Variants in QSER1 observed in about 807,000 individuals in gnomAD.
QSER1 encodes glutamine and serine rich 1.
A neutral mutation model predicts 158.5 loss-of-function variants in QSER1; 49 were observed. The observed-to-expected ratio is 0.31, with a 90% CI of 0.25 to 0.39. The LOEUF (loss-of-function observed/expected upper bound fraction) is 0.39, where lower values mean the gene tolerates loss of function less well. Ranked by LOEUF, QSER1 falls within the 10% of genes least tolerant of loss-of-function variation. QSER1 has a pLI of 1.00. For synonymous variants in QSER1, 650 were observed against 715.5 expected (o/e 0.91, Z 1.46); for missense variants, 1,754 against 2,010.3 (o/e 0.87, Z 2.44).
At chr11:32,903,244 G>A (rs540814355) in intron 1 of QSER1, among the ~76,000 whole-genome samples, 62 of 152,004 alleles carry the variant, frequency 4.1e-4, no homozygotes, top group Non-Finnish European at 4.3e-4. Flanking sequence ...TTGCCGTAGG[G>A]TATGGGTAGT....
At chr11:32,940,784 C>CTAATTAA (rs1317771837) in intron 4 of QSER1, among the ~76,000 whole-genome samples, 2 of 152,088 alleles carry the variant, frequency 1.3e-5, no homozygotes, top group Non-Finnish European at 2.9e-5. Context: ...CCTCTTTCTT[C>CTAATTAA]CTCTAAATGA....
rs755620630 is a variant in QSER1 at position 32,934,450 on chromosome 11, C to T, written c.3192C>T (p.Ala1064=). ...QVTVNLSPVP[A]LQSKMTLDQQ... Reference sequence around the variant, plus strand: ...CTGTGAACCTTTCACCAGTACCTGCCCTTCAGTCAAAAATGACTCTTGATC... The same window carrying T: ...CTGTGAACCTTTCACCAGTACCTGCTCTTCAGTCAAAAATGACTCTTGATC... The change falls in exon 4 of 13, where the codon GCC becomes GCT. Residue 1064 remains alanine, a synonymous_variant. Coordinates refer to ENST00000650167, the MANE Select transcript of QSER1 (RefSeq NM_001076786.3). The T allele has an allele frequency of 3.1e-6, 5 of 1,613,712 alleles. No homozygotes were observed. The highest frequency in any genetic ancestry group is 4.2e-6 in the Non-Finnish European group (5 of 1,179,968).
intron 8 of QSER1, among the ~76,000 whole-genome samples, chr11:32,961,849 C>G (rs899586929): frequency 2.0e-5 from 3 of 152,112 alleles, no homozygotes; most frequent in African/African-American, 7.2e-5. Context: ...CTTTTTATGG[C>G]TAAGTAATAT....
rs575968000 is a variant in QSER1, at chr11:32,979,296, C to T, written c.*2822C>T. On this transcript the variant is annotated 3_prime_UTR_variant, in exon 13 of 13. Transcript: ENST00000650167. ...AGAGGTAAAGCACATGTTGCCACAA[C>T]CCAGGAAAGTATTTTTAAGAAAGAT... 1.3e-5 allele frequency: 2 copies of T among 152,620 alleles called. No homozygotes were observed. The highest frequency in any genetic ancestry group is 4.8e-5 in the African/African-American group (2 of 41,516). 9.5% of individuals were successfully genotyped at this position (152,620 alleles called of 1,614,324 possible).
chr11:32,940,517 A>G lies in QSER1; in HGVS notation c.4177+5082A>G, dbSNP rs146133681. The stretch of plus-strand genomic sequence containing the variant: ...TATTCAGGATTATGTTGGTCATACA[A>G]ATTAAACTGGGAGGTTTTTTTTCTG... On this transcript the variant is annotated intron_variant, in intron 4 of 12. Transcript: ENST00000650167. Among the ~76,000 whole-genome samples the G allele has an allele frequency of 3.3e-5, 5 of 152,288 alleles. No homozygotes were observed. The East Asian group carries it at 7.7e-4, about 24-fold the overall frequency.
At chr11:32,965,259 A>C (rs1179569309) in intron 8 of QSER1, among the ~76,000 whole-genome samples, 1 of 151,878 alleles carries the variant, frequency 6.6e-6, no homozygotes, top group African/African-American at 2.4e-5. Flanking sequence ...ATAGTGGTAC[A>C]TGCCACCACA....
chr11:32,906,378 G>A (rs1330704631), intron 1 of QSER1, among the ~76,000 whole-genome samples: 2 of 152,014 alleles, frequency 1.3e-5, no homozygotes, highest in Non-Finnish European at 2.9e-5. Context: ...GCCGAGATCG[G>A]CGCCACTGCA....
chr11:32,975,553 G>C, intron 12 of QSER1: 1 of 1,404,222 alleles, frequency 7.1e-7, no homozygotes, highest in Non-Finnish European at 9.4e-7. Flanking sequence ...ACCACCTCTT[G>C]TAGGAGCTAT....
At position 32,933,699 on chromosome 11, in the gene QSER1, A is replaced by C. The variant is rs1042839074; in HGVS notation, c.2441A>C (p.Lys814Thr). ...DLKQQHPLIL[K>T]VHESKVQEQH... is the part of the protein sequence containing the mutation. ...AAGCAGCAACATCCTCTCATACTTA[A>C]GGTGCATGAGTCCAAGGTCCAGGAA... is the stretch of plus-strand genomic sequence containing the variant. The change falls in exon 4 of 13, where the codon AAG (lysine) becomes ACG (threonine). Residue 814 changes from lysine to threonine, a missense_variant. Around this residue, in one of 2 missense-constraint regions of QSER1, gnomAD observed 1,707 missense variants for 1,919.6 expected, o/e 0.89. Transcript: ENST00000650167. 2 of 1,613,902 alleles carry C rather than the reference A, an allele frequency of 1.2e-6. No homozygotes were observed. The highest frequency in any genetic ancestry group is 2.2e-5 in the South Asian group (2 of 91,032).
intron 1 of QSER1, among the ~76,000 whole-genome samples, chr11:32,909,303 A>T (rs1254138213): frequency 1.3e-5 from 2 of 152,148 alleles, no homozygotes; most frequent in African/African-American, 2.4e-5. Context: ...ATTTTCTCTA[A>T]AATTGGGTTC....
intron 1 of QSER1, among the ~76,000 whole-genome samples, chr11:32,913,430 T>C (rs1417485597): frequency 6.6e-6 from 1 of 152,082 alleles, no homozygotes; most frequent in Non-Finnish European, 1.5e-5. Flanking sequence ...CTTGACCTCA[T>C]GATCCGCCCA....
At chr11:32,928,191 C>A in intron 3 of QSER1, 68 bp downstream of exon 3, 1 of 935,332 alleles carries the variant, frequency 1.1e-6, no homozygotes, top group Non-Finnish European at 1.7e-6. Flanking sequence ...ATTTGATGGC[C>A]TTGTCATTGT....
At chr11:32,913,376 G>A (rs1354123382) in intron 1 of QSER1, among the ~76,000 whole-genome samples, 1 of 151,642 alleles carries the variant, frequency 6.6e-6, no homozygotes, top group Non-Finnish European at 1.5e-5. Flanking sequence ...ATTTATTTTA[G>A]TAGAGACGAG....
chr11:32,957,640 A>G (rs922212807), intron 7 of QSER1, among the ~76,000 whole-genome samples: 1 of 152,212 alleles, frequency 6.6e-6, no homozygotes, highest in Non-Finnish European at 1.5e-5. Context: ...GACTGAACTA[A>G]AAGTCCCTTA....
intron 1 of QSER1, among the ~76,000 whole-genome samples, chr11:32,917,583 T>A (rs1190170348): frequency 6.6e-6 from 1 of 152,124 alleles, no homozygotes; most frequent in Non-Finnish European, 1.5e-5. Context: ...CCCAGCACTT[T>A]GGGAGGCCGA....
chr11:32,895,385 T>C (rs918436149), intron 1 of QSER1, among the ~76,000 whole-genome samples: 1 of 152,194 alleles, frequency 6.6e-6, no homozygotes, highest in East Asian at 1.9e-4. Flanking sequence ...TCAGGCCATC[T>C]GTACAGAGTT....
intron 10 of QSER1, among the ~76,000 whole-genome samples, chr11:32,972,434 T>C (rs1180346838): frequency 6.6e-6 from 1 of 150,776 alleles, no homozygotes; most frequent in East Asian, 1.9e-4. Flanking sequence ...TATTTATTTA[T>C]TTATTTATTT....
intron 10 of QSER1, among the ~76,000 whole-genome samples, chr11:32,973,038 GACATT>G (rs1852899052): frequency 6.6e-6 from 1 of 152,204 alleles, no homozygotes; most frequent in Non-Finnish European, 1.5e-5. Context: ...TGAAGCCAGA[GACATT>G]ACTAGAAAGA....
intron 9 of QSER1, among the ~76,000 whole-genome samples, chr11:32,967,086 T>C (rs1852762386): frequency 6.6e-6 from 1 of 152,068 alleles, no homozygotes; most frequent in Admixed American, 6.6e-5. Flanking sequence ...ACTGTAAAGA[T>C]ATGGAAAGTG....
Sources: allele counts gnomAD v4.1 joint callset (sites outside exome capture counted in the v4.1 genomes callset), GRCh38; gene constraint gnomAD v4.1.1; regional missense constraint gnomAD v4.1.1; transcripts MANE v1.5; gene names NCBI Gene and HGNC (gene_info 2026-07-23, HGNC 2026-07-21).